Variants in CDH13 observed in about 807,000 individuals in gnomAD.
CDH13 encodes cadherin-13.
Under a neutral mutation model 63.8 loss-of-function variants are expected in CDH13, and 24 were observed. That is an observed-to-expected ratio of 0.38 (90% CI 0.27 to 0.53). The LOEUF is 0.53. Among genes scored for constraint, CDH13 ranks in the 20% least tolerant of loss-of-function variants. The probability of loss-of-function intolerance (pLI) is 0.85; values close to 1 mark genes in which losing one functional copy is unlikely to be tolerated. For synonymous variants in CDH13, 503 were observed against 355.3 expected, an observed-to-expected ratio of 1.42 and a Z score of -4.67; for missense variants, 1,049 against 903.1, an observed-to-expected ratio of 1.16 and a Z score of -2.07.
intron 6 of CDH13, among the ~76,000 whole-genome samples, chr16:83,444,885 G>A (rs28455119): frequency 0.99 from 149,165 of 151,084 alleles, 73,670 homozygotes; most frequent in East Asian, 1. Flanking sequence ...TCTGATGAAG[G>A]GGGAGTTCAC....
intron 7 of CDH13, among the ~76,000 whole-genome samples, chr16:83,493,855 A>G (rs2074075341): frequency 9.9e-5 from 15 of 152,240 alleles, no homozygotes; most frequent in Admixed American, 9.8e-4. Context: ...GGCAAAGTTC[A>G]GGCGTTTTGG....
intron 3 of CDH13, among the ~76,000 whole-genome samples, chr16:83,051,256 T>A (rs2030303856): frequency 6.6e-6 from 1 of 152,190 alleles, no homozygotes; most frequent in South Asian, 2.1e-4. Context: ...GTGATTCTCC[T>A]ACCAAAGTAA....
chr16:83,205,554 A>G (rs1426238431), intron 4 of CDH13, among the ~76,000 whole-genome samples: 1 of 151,864 alleles, frequency 6.6e-6, no homozygotes, highest in Admixed American at 6.6e-5. Flanking sequence ...CAAGAAAAGA[A>G]GTTGAGGGGA....
At chr16:82,862,349 T>C (rs908729668) in intron 2 of CDH13, among the ~76,000 whole-genome samples, 18 of 152,228 alleles carry the variant, frequency 1.2e-4, no homozygotes, top group African/African-American at 3.6e-4. Flanking sequence ...GACTATCCTA[T>C]GTTCTGCAAA....
chr16:82,992,629 A>C (rs1400903465), intron 2 of CDH13, among the ~76,000 whole-genome samples: 1 of 152,214 alleles, frequency 6.6e-6, no homozygotes, highest in African/African-American at 2.4e-5. Flanking sequence ...GGTCTGATTT[A>C]AAATTAGCCT....
Position 83,032,189 on chromosome 16 carries a change from G to C in CDH13, c.337G>C (p.Gly113Arg), listed in dbSNP as rs183971768. ...AEDMAELVIV[G>R]GKDIQGSLQD... ...AGATATGGCAGAACTCGTGATTGTC[G>C]GGGGGAAAGACATCCAGGGCTCCTT... Residue 113 changes from glycine to arginine, a missense_variant, in exon 3 of 14, where the codon GGG becomes CGG. By Grantham distance (125) the Gly-to-Arg change is moderately radical. Coordinates refer to ENST00000567109, the MANE Select transcript of CDH13 (RefSeq NM_001257.5). 1.8e-3 allele frequency: 2,894 copies of C among 1,613,366 alleles called. 2 individuals carry two copies. Among genetic ancestry groups the C allele is most frequent in the Non-Finnish European group, 2.2e-3 (2,626 of 1,179,532 alleles).
At chr16:82,724,994 C>A (rs1273001634) in intron 1 of CDH13, among the ~76,000 whole-genome samples, 1 of 152,176 alleles carries the variant, frequency 6.6e-6, no homozygotes, top group Non-Finnish European at 1.5e-5. Flanking sequence ...TAAGGATTAA[C>A]TGAGATAATA....
intron 5 of CDH13, among the ~76,000 whole-genome samples, chr16:83,334,766 C>T (rs982110579): frequency 2.6e-5 from 4 of 151,882 alleles, no homozygotes; most frequent in Non-Finnish European, 4.4e-5. Context: ...AATTGTAGAC[C>T]GAAACTTCAT....
intron 3 of CDH13, among the ~76,000 whole-genome samples, chr16:83,065,536 C>G (rs930351291): frequency 6.6e-6 from 1 of 151,980 alleles, no homozygotes; most frequent in Non-Finnish European, 1.5e-5. Flanking sequence ...GAAACCCCGT[C>G]TCTACTAAAA....
chr16:83,650,683 C>G (rs1029391885), intron 8 of CDH13, among the ~76,000 whole-genome samples: 1 of 152,116 alleles, frequency 6.6e-6, no homozygotes, highest in Non-Finnish European at 1.5e-5. Flanking sequence ...CAGGGCAGCC[C>G]CCACCCAATG....
chr16:83,569,806 C>T (rs1187064158), intron 7 of CDH13, among the ~76,000 whole-genome samples: 2 of 152,044 alleles, frequency 1.3e-5, no homozygotes, highest in African/African-American at 2.4e-5. Flanking sequence ...GTACAATCTC[C>T]GCTCACTGCA....
At chr16:83,686,027 T>C (rs1904308396) in intron 10 of CDH13, among the ~76,000 whole-genome samples, 1 of 152,182 alleles carries the variant, frequency 6.6e-6, no homozygotes, top group African/African-American at 2.4e-5. Flanking sequence ...ATAACCACCC[T>C]GTAAATGAGA....
intron 6 of CDH13, among the ~76,000 whole-genome samples, chr16:83,347,592 A>T (rs1453279304): frequency 2.6e-5 from 4 of 152,120 alleles, no homozygotes; most frequent in African/African-American, 9.7e-5. Flanking sequence ...TTCATCCATG[A>T]TCCCACTTCC....
intron 1 of CDH13, among the ~76,000 whole-genome samples, chr16:82,816,130 C>T (rs1000763522): frequency 6.6e-6 from 1 of 152,060 alleles, no homozygotes; most frequent in Non-Finnish European, 1.5e-5. Context: ...AAGGACAGCT[C>T]CCCCAGTGAC....
intron 5 of CDH13, among the ~76,000 whole-genome samples, chr16:83,334,541 TA>T (rs56689711): frequency 0.42 from 62,087 of 147,760 alleles, 13,074 homozygotes; most frequent in Admixed American, 0.48. Flanking sequence ...CTGGCTAGTT[TA>T]AAAAAAAAAA....
chr16:83,091,394 A>G (rs1267689199), intron 3 of CDH13, among the ~76,000 whole-genome samples: 2 of 152,206 alleles, frequency 1.3e-5, no homozygotes. Flanking sequence ...GAGAAGCCCA[A>G]TGACCAAATC....
intron 2 of CDH13, among the ~76,000 whole-genome samples, chr16:82,961,429 T>A (rs1277659229): frequency 1.3e-5 from 2 of 152,032 alleles, no homozygotes; most frequent in Admixed American, 6.5e-5. Context: ...GTAAATCTTC[T>A]CCATACATAA....
At chr16:82,794,104 TTGAA>T (rs1389853698) in intron 1 of CDH13, among the ~76,000 whole-genome samples, 44 of 152,084 alleles carry the variant, frequency 2.9e-4, no homozygotes, top group African/African-American at 1.1e-3. Flanking sequence ...GAGGATGACT[TTGAA>T]TGAGGCCCAA....
chr16:83,760,142 GAA>G (rs1455088591), intron 11 of CDH13, among the ~76,000 whole-genome samples: 1 of 151,926 alleles, frequency 6.6e-6, no homozygotes, highest in Non-Finnish European at 1.5e-5. Flanking sequence ...ATTAATCAAG[GAA>G]ATACAATGAA....
Sources: gnomAD v4.1 joint callset for allele counts (sites outside exome capture counted in the v4.1 genomes callset) on GRCh38, gnomAD v4.1.1 for gene constraint, MANE v1.5 for transcripts, NCBI Gene and HGNC (gene_info 2026-07-23, HGNC 2026-07-21) for gene names.